Variants in COL24A1 observed in about 807,000 individuals in gnomAD.
COL24A1 encodes the protein collagen alpha-1(XXIV) chain.
COL24A1 carries 224 observed loss-of-function variants against 253.9 expected under a neutral mutation model. The ratio of observed to expected loss-of-function variants is 0.88; its 90% CI spans 0.79 to 0.99. The LOEUF is 0.99. COL24A1 is among the 50% of genes least tolerant of loss of function. COL24A1 has a pLI of 0.00. For missense variants in COL24A1, 2,131 were observed against 2,068.5 expected, an observed-to-expected ratio of 1.03 and a Z score of -0.59; for synonymous variants, 685 against 673.7, an observed-to-expected ratio of 1.02 and a Z score of -0.26.
intron 55 of COL24A1, among the ~76,000 whole-genome samples, chr1:85,747,919 A>T (rs1184851330): frequency 1.3e-5 from 2 of 152,186 alleles, no homozygotes. Context: ...TTTTATTAAC[A>T]TAATATATTG....
chr1:85,971,198 G>T, intron 21 of COL24A1, 142 bp downstream of exon 21: 1 of 701,652 alleles, frequency 1.4e-6, no homozygotes, highest in Non-Finnish European at 2.5e-6. Context: ...AAGAGACCAA[G>T]ACTCTGTCTA....
intron 12 of COL24A1, among the ~76,000 whole-genome samples, chr1:86,042,506 T>C (rs963507052): frequency 1.1e-4 from 17 of 152,140 alleles, no homozygotes; most frequent in African/African-American, 3.6e-4. Context: ...GAACATACCA[T>C]TATGAGGCTA....
Position 85,744,734 on chromosome 1 carries a change from A to T in COL24A1, c.4604T>A (p.Leu1535His), listed in dbSNP as rs1410204204. The change falls in exon 57 of 60, where the codon CTT becomes CAT. Residue 1535 changes from leucine to histidine, a missense_variant. Coordinates refer to ENST00000370571, the MANE Select transcript of COL24A1 (RefSeq NM_152890.7). ...TCGTGCTGGGTTATCTCGTGTGCCA[A>T]GAGGATTCTTGATGCTGTGCAATAA... Reference protein sequence around the residue: ...SNLLHSIKNPLGTRDNPARIC... With the variant: ...SNLLHSIKNPHGTRDNPARIC... 1 of 1,604,142 alleles carries T rather than the reference A, an allele frequency of 6.2e-7. No individual in the cohort carries two copies. Among genetic ancestry groups the T allele is most frequent in the African/African-American group, 1.4e-5 (1 of 72,048 alleles).
intron 1 of COL24A1, among the ~76,000 whole-genome samples, chr1:86,152,494 A>ATT (rs1652908325): frequency 6.6e-6 from 1 of 152,168 alleles, no homozygotes. Context: ...AAGATATCTC[A>ATT]TTATATATAT....
chr1:86,065,007 A>C (rs1271684050), intron 7 of COL24A1, among the ~76,000 whole-genome samples: 2 of 152,214 alleles, frequency 1.3e-5, no homozygotes, highest in African/African-American at 4.8e-5. Flanking sequence ...CCACAAAGCT[A>C]AGTTTTTTCA....
intron 23 of COL24A1, among the ~76,000 whole-genome samples, chr1:85,964,145 C>T (rs182499344): frequency 1.3e-5 from 2 of 152,118 alleles, no homozygotes; most frequent in Non-Finnish European, 1.5e-5. Context: ...CTTCAGGAAA[C>T]GTAGTAATAA....
At chr1:85,837,429 T>C (rs1173961520) in intron 43 of COL24A1, among the ~76,000 whole-genome samples, 1 of 152,208 alleles carries the variant, frequency 6.6e-6, no homozygotes, top group Non-Finnish European at 1.5e-5. Context: ...CCATTTAGTT[T>C]GGGTAATATA....
chr1:85,909,449 T>C (rs934130511), intron 26 of COL24A1, among the ~76,000 whole-genome samples: 2 of 151,730 alleles, frequency 1.3e-5, no homozygotes, highest in African/African-American at 4.8e-5. Flanking sequence ...AAATATAAAA[T>C]TTGTCAGCTA....
intron 37 of COL24A1, among the ~76,000 whole-genome samples, chr1:85,853,181 A>C (rs934257750): frequency 6.6e-6 from 1 of 151,978 alleles, no homozygotes; most frequent in Non-Finnish European, 1.5e-5. Context: ...GTCCATGTGT[A>C]CTCAAGGTTT....
intron 47 of COL24A1, among the ~76,000 whole-genome samples, chr1:85,792,032 A>G (rs1428522178): frequency 1.3e-5 from 2 of 152,164 alleles, no homozygotes; most frequent in Admixed American, 6.5e-5. Flanking sequence ...TTACTTAATT[A>G]TATTTTTAAT....
chr1:85,987,576 GTC>G, intron 20 of COL24A1, 23 bp downstream of exon 20: 1 of 1,590,004 alleles, frequency 6.3e-7, no homozygotes, highest in Non-Finnish European at 8.6e-7. Context: ...TAATTGTTTA[GTC>G]TCTCTCTTCT....
chr1:85,884,880 G>A (rs1056703114), intron 32 of COL24A1, among the ~76,000 whole-genome samples: 1 of 152,122 alleles, frequency 6.6e-6, no homozygotes. Flanking sequence ...TTAGGGCTCT[G>A]GGAGGAAGTA....
At chr1:86,021,774 C>A (rs1432424950) in intron 18 of COL24A1, among the ~76,000 whole-genome samples, 1 of 151,730 alleles carries the variant, frequency 6.6e-6, no homozygotes, top group Non-Finnish European at 1.5e-5. Context: ...TATAAGGTAT[C>A]TTTTTCTTTC....
intron 7 of COL24A1, among the ~76,000 whole-genome samples, chr1:86,078,573 CA>C (rs1277083949): frequency 6.6e-6 from 1 of 152,028 alleles, no homozygotes; most frequent in East Asian, 1.9e-4. Context: ...ATTCCACCAA[CA>C]AAACAAAACC....
chr1:85,947,340 A>G lies in COL24A1; in HGVS notation c.2562+13909T>C, dbSNP rs1158904949. Reference sequence around the variant, plus strand: ...AATCAGGAAACAAAGGTGAACCCCCATTTACAATCTAGTGTCCGCAGTCCA... The same window carrying G: ...AATCAGGAAACAAAGGTGAACCCCCGTTTACAATCTAGTGTCCGCAGTCCA... On this transcript the variant is annotated intron_variant, in intron 24 of 59. Coordinates refer to ENST00000370571, the MANE Select transcript of COL24A1 (RefSeq NM_152890.7). Among the ~76,000 whole-genome samples the G allele has an allele frequency of 2.0e-5, 3 of 152,270 alleles. No individual in the cohort carries two copies. In the East Asian group the frequency reaches 5.8e-4, roughly 29 times the overall value.
chr1:85,842,200 A>G, intron 40 of COL24A1, 79 bp from the exon 41 acceptor site: 1 of 1,460,958 alleles, frequency 6.8e-7, no homozygotes, highest in Non-Finnish European at 9.6e-7. Flanking sequence ...GAAAAATAGG[A>G]TTCACTGTCT....
At position 85,822,441 on chromosome 1, in the gene COL24A1, C is replaced by T. The variant is rs181940909; in HGVS notation, c.3789+1095G>A. Among the ~76,000 whole-genome samples, 9 of 152,244 alleles carry T rather than the reference C, an allele frequency of 5.9e-5. No homozygotes were observed. The East Asian group carries it at 1.7e-3, about 29-fold the overall frequency. On this transcript the variant is annotated intron_variant, in intron 45 of 59. Transcript: ENST00000370571. ...ATGTGAAGTCAGAATGCCTGAAAAA[C>T]AGGGCAGCAATGAATTGAAGGTGCA...
chr1:85,808,019 C>G (rs1049203415), intron 47 of COL24A1, among the ~76,000 whole-genome samples: 4 of 152,140 alleles, frequency 2.6e-5, no homozygotes, highest in Non-Finnish European at 5.9e-5. Context: ...ATTTTCTCCC[C>G]TCCAATCTCA....
At position 85,822,950 on chromosome 1, in the gene COL24A1, G is replaced by A. The variant is rs562726915; in HGVS notation, c.3789+586C>T. 5.3e-5 allele frequency among the ~76,000 whole-genome samples: 8 copies of A among 152,126 alleles called. No individual in the cohort carries two copies. The East Asian group carries it at 1.5e-3, about 29-fold the overall frequency. On this transcript the variant is annotated intron_variant, in intron 45 of 59. Transcript: ENST00000370571. The stretch of plus-strand genomic sequence containing the variant: ...TTAACCAAAATTCCCCTGGCCCCTG[G>A]TGTTTCCTCTTAAGTAATTTTCCAT...
Sources: gnomAD v4.1 joint callset for allele counts (sites outside exome capture counted in the v4.1 genomes callset) on GRCh38, gnomAD v4.1.1 for gene constraint, MANE v1.5 for transcripts, NCBI Gene and HGNC (gene_info 2026-07-23, HGNC 2026-07-21) for gene names.